The following OXR1 variants were observed in gnomAD, a reference collection of about 807,000 sequenced individuals.
The protein encoded by OXR1 is oxidation resistance protein 1.
OXR1 carries 41 observed loss-of-function variants against 104.6 expected under a neutral mutation model. The observed-to-expected ratio is 0.39, with a 90% CI of 0.31 to 0.51. The LOEUF is 0.51. Among genes scored for constraint, OXR1 ranks in the 20% least tolerant of loss-of-function variants. The probability of loss-of-function intolerance (pLI) is 0.77; values close to 1 mark genes in which losing one functional copy is unlikely to be tolerated. For missense variants in OXR1, 955 were observed against 1,031.9 expected, an observed-to-expected ratio of 0.93 and a Z score of 1.02; for synonymous variants, 348 against 348.4, an observed-to-expected ratio of 1.00 and a Z score of 0.01.
intron 2 of OXR1, among the ~76,000 whole-genome samples, chr8:106,442,323 T>A (rs1019026993): frequency 6.6e-6 from 1 of 152,188 alleles, no homozygotes; most frequent in African/African-American, 2.4e-5. Flanking sequence ...TTGCCAGTAT[T>A]TTATTGATAA....
intron 3 of OXR1, among the ~76,000 whole-genome samples, chr8:106,595,550 C>CAAAAAAAAAA (rs67790797): frequency 4.9e-5 from 3 of 60,706 alleles, no homozygotes; most frequent in African/African-American, 1.1e-4. Flanking sequence ...AACTCCGTCT[C>CAAAAAAAAAA]AAAAAAAAAA....
chr8:106,422,300 G>A (rs184288767), intron 2 of OXR1, among the ~76,000 whole-genome samples: 236 of 152,240 alleles, frequency 1.6e-3, no homozygotes, highest in African/African-American at 5.2e-3. Context: ...GTGTCCTGTA[G>A]TATATATTAC....
intron 1 of OXR1, among the ~76,000 whole-genome samples, chr8:106,344,386 G>A (rs900573699): frequency 9.2e-5 from 14 of 152,158 alleles, no homozygotes; most frequent in African/African-American, 3.1e-4. Flanking sequence ...CACTCAAGCT[G>A]GAGAGCAGTG....
At chr8:106,737,794 A>G (rs920169878) in intron 12 of OXR1, among the ~76,000 whole-genome samples, 194 bp downstream of exon 12, 1 of 152,122 alleles carries the variant, frequency 6.6e-6, no homozygotes. Flanking sequence ...TTCATTTGAA[A>G]AATATTCTGA....
chr8:106,448,003 G>T, intron 2 of OXR1: 1 of 1,528,584 alleles, frequency 6.5e-7, no homozygotes. Flanking sequence ...CTATAAGGTT[G>T]CCTGCCTGCC....
rs545496834 is a variant in OXR1 at position 106,620,821 on chromosome 8, G to A, written c.221-58389G>A. 1.6e-4 allele frequency among the ~76,000 whole-genome samples: 25 copies of A among 152,134 alleles called. No individual in the cohort carries two copies. In the South Asian group the frequency reaches 4.8e-3, roughly 29 times the overall value. ...ATTAAGACAATTAGTAAAAAATATT[G>A]TACCAGTAAAAATAGTGAAAATGAA... On this transcript the variant is annotated intron_variant, in intron 3 of 16. Transcript: ENST00000517566.
intron 2 of OXR1, among the ~76,000 whole-genome samples, chr8:106,516,028 C>G (rs13272580): frequency 0.43 from 65,975 of 151,890 alleles, 17,003 homozygotes; most frequent in Non-Finnish European, 0.57. Flanking sequence ...GATTTGGCCT[C>G]ACTCCCCTGC....
chr8:106,473,092 G>A (rs1821605417), intron 2 of OXR1, among the ~76,000 whole-genome samples: 1 of 151,804 alleles, frequency 6.6e-6, no homozygotes, highest in Non-Finnish European at 1.5e-5. Context: ...ATAAAAATTT[G>A]TTTACACTAT....
chr8:106,716,486 C>T lies in OXR1; in HGVS notation c.1956+2501C>T, dbSNP rs567060483. 3.9e-3 allele frequency among the ~76,000 whole-genome samples: 341 copies of T among 87,454 alleles called. 102 individuals are homozygous for T. Among genetic ancestry groups the T allele is most frequent in the African/African-American group, 0.018 (313 of 17,020 alleles). 57.4% of individuals were successfully genotyped at this position (87,454 alleles called of 152,430 possible). On this transcript the variant is annotated intron_variant, in intron 11 of 16. Transcript: ENST00000517566. ...AAAAATACAAAAAATTAGCCGGGCG[C>T]GGTGGTGGGTGCCTGTAGTCCCAGC...
chr8:106,459,544 A>G (rs950094117), intron 2 of OXR1, among the ~76,000 whole-genome samples: 5 of 152,206 alleles, frequency 3.3e-5, no homozygotes, highest in African/African-American at 1.2e-4. Flanking sequence ...TATCTGAAAA[A>G]AAAAATAATT....
intron 2 of OXR1, among the ~76,000 whole-genome samples, chr8:106,507,056 G>A (rs1217310942): frequency 1.3e-5 from 2 of 152,084 alleles, no homozygotes; most frequent in East Asian, 1.9e-4. Flanking sequence ...CTGCCCTCCA[G>A]CCTAGGAGAC....
At chr8:106,614,604 T>C (rs1440154428) in intron 3 of OXR1, among the ~76,000 whole-genome samples, 2 of 152,214 alleles carry the variant, frequency 1.3e-5, no homozygotes, top group African/African-American at 2.4e-5. Context: ...ATAAGATTGA[T>C]TTCGTTTTAC....
intron 4 of OXR1, among the ~76,000 whole-genome samples, chr8:106,681,154 A>G (rs1587068587): frequency 6.6e-6 from 1 of 152,270 alleles, no homozygotes; most frequent in Admixed American, 6.5e-5. Flanking sequence ...TGTTACCTTC[A>G]TCATCTCATT....
In OXR1 at chr8:106,518,969, A is replaced by T; in HGVS notation, c.50A>T (p.Asp17Val). 2 of 1,551,488 alleles carry T rather than the reference A, an allele frequency of 1.3e-6. No individual in the cohort carries two copies. Among genetic ancestry groups the T allele is most frequent in the Non-Finnish European group, 1.7e-6 (2 of 1,146,838 alleles). ...CTGAAGAAAAAGTCCCAGTCGGTGG[A>T]TATTAATGCTCCAGGGTTCAACCCT... Reference protein sequence around the residue: ...SWLKKKSQSVDINAPGFNPLA... With the variant: ...SWLKKKSQSVVINAPGFNPLA... The change falls in exon 3 of 17, where the codon GAT becomes GTT. Residue 17 changes from aspartate (D) to valine (V), a missense_variant. Transcript: ENST00000517566.
intron 1 of OXR1, among the ~76,000 whole-genome samples, chr8:106,274,119 T>C (rs1234717025): frequency 6.6e-6 from 1 of 152,230 alleles, no homozygotes; most frequent in Non-Finnish European, 1.5e-5. Context: ...TATAGGTATC[T>C]ACATAGAAAG....
At chr8:106,645,050 G>C (rs1236435895) in intron 3 of OXR1, among the ~76,000 whole-genome samples, 1 of 152,050 alleles carries the variant, frequency 6.6e-6, no homozygotes, top group Non-Finnish European at 1.5e-5. Flanking sequence ...CAGTGTTGGA[G>C]ATCGATTAAA....
intron 1 of OXR1, among the ~76,000 whole-genome samples, chr8:106,290,823 G>A (rs965958179): frequency 6.6e-5 from 10 of 152,158 alleles, no homozygotes; most frequent in Non-Finnish European, 1.2e-4. Context: ...AGAGAAAAGG[G>A]AATGCTTATA....
intron 2 of OXR1, among the ~76,000 whole-genome samples, chr8:106,497,588 T>C (rs975486288): frequency 3.3e-5 from 5 of 152,180 alleles, no homozygotes; most frequent in African/African-American, 9.7e-5. Flanking sequence ...CTTCACACTT[T>C]TGGAAATATT....
At chr8:106,715,787 G>T (rs1436589646) in intron 11 of OXR1, among the ~76,000 whole-genome samples, 1 of 152,052 alleles carries the variant, frequency 6.6e-6, no homozygotes, top group African/African-American at 2.4e-5. Flanking sequence ...TTGATTCAAA[G>T]GAACTGTCTC....
Sources: allele counts gnomAD v4.1 joint callset (sites outside exome capture counted in the v4.1 genomes callset), GRCh38; gene constraint gnomAD v4.1.1; transcripts MANE v1.5; gene names NCBI Gene and HGNC (gene_info 2026-07-23, HGNC 2026-07-21).